Variants in PRKCB observed in about 807,000 individuals in gnomAD.
PRKCB encodes the protein protein kinase C beta type.
In PRKCB, 13 loss-of-function variants were observed where a neutral mutation model predicts 81.5. The observed-to-expected ratio is 0.16, with a 90% CI of 0.10 to 0.25. PRKCB has a LOEUF of 0.25. Among genes scored for constraint, PRKCB ranks in the 10% least tolerant of loss-of-function variants. The pLI is 1.00. For missense variants in PRKCB, 509 were observed against 875.7 expected, an observed-to-expected ratio of 0.58 and a Z score of 5.29; for synonymous variants, 335 against 321.4, an observed-to-expected ratio of 1.04 and a Z score of -0.45.
intron 2 of PRKCB, among the ~76,000 whole-genome samples, chr16:23,894,639 A>G (rs1025029526): frequency 6.6e-6 from 1 of 152,246 alleles, no homozygotes; most frequent in South Asian, 2.1e-4. Context: ...CCGAAGAACC[A>G]CCTGGCTGAG....
intron 7 of PRKCB, among the ~76,000 whole-genome samples, chr16:24,101,982 G>T (rs1567374713): frequency 6.6e-6 from 1 of 152,222 alleles, no homozygotes; most frequent in Admixed American, 6.5e-5. Flanking sequence ...TACACAGCTT[G>T]TAAGCAACGG....
At position 24,216,055 on chromosome 16, in the gene PRKCB, G is replaced by A; in HGVS notation, c.*1239G>A. 2 of 985,172 alleles carry A rather than the reference G, an allele frequency of 2.0e-6. No individual in the cohort carries two copies. Among genetic ancestry groups the A allele is most frequent in the Non-Finnish European group, 2.4e-6 (2 of 829,862 alleles). 61.0% of individuals were successfully genotyped at this position (985,172 alleles called of 1,614,324 possible). ...AAAACTGCTCTTTTTGAGAAACGTG[G>A]ACCTAAACTACAAAGTGGGAACTGA... is the stretch of plus-strand genomic sequence containing the variant. On this transcript the variant is annotated 3_prime_UTR_variant, in exon 17 of 17. Transcript: ENST00000643927.
chr16:24,028,833 C>T (rs1035344810), intron 3 of PRKCB, among the ~76,000 whole-genome samples: 3 of 152,114 alleles, frequency 2.0e-5, no homozygotes, highest in African/African-American at 7.2e-5. Context: ...CTCTGTCACC[C>T]AGGCTGGAGT....
intron 9 of PRKCB, among the ~76,000 whole-genome samples, chr16:24,130,932 C>A (rs1250316998): frequency 1.3e-5 from 2 of 152,168 alleles, no homozygotes; most frequent in African/African-American, 4.8e-5. Context: ...GTCCTGGCTG[C>A]AATTTTTCAC....
At chr16:24,173,314 C>T (rs1210995357) in intron 11 of PRKCB, among the ~76,000 whole-genome samples, 1 of 152,090 alleles carries the variant, frequency 6.6e-6, no homozygotes, top group Non-Finnish European at 1.5e-5. Context: ...AGGAACATGG[C>T]AAGTTATAGG....
intron 16 of PRKCB, among the ~76,000 whole-genome samples, chr16:24,211,835 C>T (rs1402328288): frequency 6.6e-6 from 1 of 152,174 alleles, no homozygotes; most frequent in Non-Finnish European, 1.5e-5. Context: ...TCAGGGATTA[C>T]AGGCATGAGC....
chr16:23,925,148 A>G (rs1963879291), intron 2 of PRKCB, among the ~76,000 whole-genome samples: 1 of 152,116 alleles, frequency 6.6e-6, no homozygotes, highest in Non-Finnish European at 1.5e-5. Flanking sequence ...CACAATGACT[A>G]GAAGAATGTT....
intron 8 of PRKCB, among the ~76,000 whole-genome samples, chr16:24,122,962 A>G (rs756764168): frequency 2.6e-5 from 4 of 152,190 alleles, no homozygotes; most frequent in Non-Finnish European, 5.9e-5. Flanking sequence ...GCCCTCACTC[A>G]TCCATTTATG....
intron 3 of PRKCB, among the ~76,000 whole-genome samples, chr16:24,018,920 A>G (rs1304294317): frequency 1.3e-5 from 2 of 152,152 alleles, no homozygotes; most frequent in Non-Finnish European, 2.9e-5. Context: ...CTCAGTCTCA[A>G]TTAAGGTTTC....
intron 12 of PRKCB, among the ~76,000 whole-genome samples, chr16:24,177,134 A>G (rs949181794): frequency 3.9e-5 from 6 of 152,196 alleles, no homozygotes; most frequent in Non-Finnish European, 8.8e-5. Flanking sequence ...GTTTATTGGA[A>G]GAAAATCCAC....
At position 24,220,095 on chromosome 16, in the gene PRKCB, GT is replaced by G. The variant is rs1458416103; in HGVS notation, c.*5282del. The G allele has an allele frequency of 3.1e-6, 5 of 1,614,106 alleles. No individual in the cohort carries two copies. The South Asian group carries it at 5.5e-5, about 18-fold the overall frequency. On this transcript the variant is annotated 3_prime_UTR_variant, in exon 17 of 17. Transcript: ENST00000643927. ...CTGGCTTCTCTTATACTAACCCAGA[GT>G]TTGTCATTAATGTGTAGGTGAATGC...
intron 9 of PRKCB, among the ~76,000 whole-genome samples, chr16:24,142,785 A>T (rs534694632): frequency 2.6e-5 from 4 of 152,234 alleles, no homozygotes; most frequent in East Asian, 3.9e-4. Flanking sequence ...GGGGACTGGG[A>T]AGAATCCATG....
chr16:24,206,086 G>A (rs1968041292), intron 16 of PRKCB, among the ~76,000 whole-genome samples: 1 of 152,132 alleles, frequency 6.6e-6, no homozygotes, highest in Non-Finnish European at 1.5e-5. Context: ...CTCTCCTACT[G>A]ACTTCCTCCC....
At chr16:24,159,369 T>A (rs1967220084) in intron 10 of PRKCB, among the ~76,000 whole-genome samples, 1 of 152,176 alleles carries the variant, frequency 6.6e-6, no homozygotes, top group South Asian at 2.1e-4. Flanking sequence ...TCATGTTGAG[T>A]TGCCACCAAA....
chr16:23,920,460 G>T (rs901604813), intron 2 of PRKCB, among the ~76,000 whole-genome samples: 19 of 152,242 alleles, frequency 1.2e-4, no homozygotes, highest in African/African-American at 4.6e-4. Flanking sequence ...GAAGCAGTCA[G>T]CAGGAGTACA....
At chr16:23,859,610 G>A (rs1962628396) in intron 2 of PRKCB, among the ~76,000 whole-genome samples, 1 of 152,176 alleles carries the variant, frequency 6.6e-6, no homozygotes, top group African/African-American at 2.4e-5. Flanking sequence ...AGAGGAGCCT[G>A]AGTTCTCAGT....
At chr16:24,206,530 T>C (rs920959439) in intron 16 of PRKCB, among the ~76,000 whole-genome samples, 1 of 152,140 alleles carries the variant, frequency 6.6e-6, no homozygotes, top group African/African-American at 2.4e-5. Flanking sequence ...AGGAGCCTTA[T>C]CCTCTCCTCC....
intron 5 of PRKCB, among the ~76,000 whole-genome samples, chr16:24,077,175 T>C (rs1231812516): frequency 6.6e-6 from 1 of 151,440 alleles, no homozygotes; most frequent in East Asian, 1.9e-4. Context: ...ATTTTGAAGA[T>C]GCACATGCAC....
At chr16:24,201,350 G>A (rs1303941007) in intron 16 of PRKCB, among the ~76,000 whole-genome samples, 1 of 152,152 alleles carries the variant, frequency 6.6e-6, no homozygotes, top group Admixed American at 6.5e-5. Context: ...TGCCAGCAGG[G>A]AAACATTTAT....
Sources: gnomAD v4.1 joint callset for allele counts (sites outside exome capture counted in the v4.1 genomes callset) on GRCh38, gnomAD v4.1.1 for gene constraint, MANE v1.5 for transcripts, NCBI Gene and HGNC (gene_info 2026-07-23, HGNC 2026-07-21) for gene names.